Variants in CDH12 observed in about 807,000 individuals in gnomAD.
CDH12 encodes the protein cadherin-12.
Under a neutral mutation model 74.1 loss-of-function variants are expected in CDH12, and 41 were observed. That is an observed-to-expected ratio of 0.55 (90% CI 0.43 to 0.72). The LOEUF (loss-of-function observed/expected upper bound fraction) is 0.72, where lower values mean the gene tolerates loss of function less well. Among genes scored for constraint, CDH12 ranks in the 30% least tolerant of loss-of-function variants. The pLI is 0.00. For synonymous variants in CDH12, 399 were observed against 355.0 expected (o/e 1.12, Z -1.39); for missense variants, 945 against 977.2 (o/e 0.97, Z 0.44).
At chr5:22,607,810 G>T (rs899662340) in intron 1 of CDH12, among the ~76,000 whole-genome samples, 1 of 152,248 alleles carries the variant, frequency 6.6e-6, no homozygotes, top group African/African-American at 2.4e-5. Context: ...TCAGGCCATT[G>T]CTTCAGAGGG....
At chr5:21,799,959 G>C (rs1049518219) in intron 10 of CDH12, among the ~76,000 whole-genome samples, 2 of 152,186 alleles carry the variant, frequency 1.3e-5, no homozygotes, top group African/African-American at 4.8e-5. Context: ...ATCCATTCTA[G>C]TGGGCCTGAG....
At chr5:22,783,993 A>G (rs1004167123) in intron 1 of CDH12, among the ~76,000 whole-genome samples, 3 of 152,064 alleles carry the variant, frequency 2.0e-5, no homozygotes, top group African/African-American at 7.2e-5. Flanking sequence ...TGCCTCACTC[A>G]CTGGAAGAGT....
At chr5:21,788,518 A>G (rs571117073) in intron 10 of CDH12, among the ~76,000 whole-genome samples, 122 of 152,268 alleles carry the variant, frequency 8.0e-4, no homozygotes, top group Non-Finnish European at 1.4e-3. Context: ...TAATTTCTCT[A>G]TAAGTAGTCC....
chr5:22,687,457 C>T (rs1741870876), intron 1 of CDH12, among the ~76,000 whole-genome samples: 2 of 152,074 alleles, frequency 1.3e-5, no homozygotes, highest in African/African-American at 4.8e-5. Flanking sequence ...GCCCAGACTG[C>T]AATGCAGTGG....
chr5:22,552,740 T>G (rs1422199049), intron 1 of CDH12, among the ~76,000 whole-genome samples: 7 of 152,142 alleles, frequency 4.6e-5, no homozygotes, highest in Non-Finnish European at 7.4e-5. Flanking sequence ...ACTCCCATTT[T>G]TCTATTAACA....
intron 8 of CDH12, among the ~76,000 whole-genome samples, chr5:21,826,522 C>G (rs560971503): frequency 6.6e-6 from 1 of 152,240 alleles, no homozygotes; most frequent in East Asian, 1.9e-4. Flanking sequence ...CTGCAGATGC[C>G]TGCTAACTGG....
At chr5:22,071,685 A>T (rs1741950446) in intron 5 of CDH12, among the ~76,000 whole-genome samples, 1 of 152,100 alleles carries the variant, frequency 6.6e-6, no homozygotes, top group African/African-American at 2.4e-5. Flanking sequence ...TACCATCTGT[A>T]TTCCAATTAC....
rs1316994880 is a variant in CDH12, at chr5:22,003,975, T to G, written c.232-28590A>C. Among the ~76,000 whole-genome samples, 6 of 152,230 alleles carry G rather than the reference T, an allele frequency of 3.9e-5. No individual in the cohort carries two copies. The South Asian group carries it at 6.2e-4, about 16-fold the overall frequency. ...CTTCTTTTTTTGTCCCATTTCTGTC[T>G]CAGCACTTTGAAATAGTAATTTAGT... On this transcript the variant is annotated intron_variant, in intron 5 of 14. Coordinates refer to ENST00000382254, the MANE Select transcript of CDH12 (RefSeq NM_004061.5).
chr5:21,920,395 T>C (rs1180004585), intron 6 of CDH12, among the ~76,000 whole-genome samples: 1 of 152,096 alleles, frequency 6.6e-6, no homozygotes, highest in East Asian at 1.9e-4. Context: ...TGAATGACTC[T>C]GGAACATCAT....
chr5:21,917,085 T>C (rs1754131450), intron 6 of CDH12, among the ~76,000 whole-genome samples: 1 of 152,160 alleles, frequency 6.6e-6, no homozygotes, highest in Admixed American at 6.5e-5. Context: ...TCTGGTCCTC[T>C]CACCTTTAAC....
intron 2 of CDH12, among the ~76,000 whole-genome samples, chr5:22,425,423 A>T (rs985292976): frequency 1.3e-5 from 2 of 151,426 alleles, no homozygotes; most frequent in Admixed American, 1.3e-4. Context: ...AAATGCATCA[A>T]TGGGAGATCT....
chr5:22,002,368 C>A (rs1736654309), intron 5 of CDH12, among the ~76,000 whole-genome samples: 2 of 151,942 alleles, frequency 1.3e-5, no homozygotes, highest in South Asian at 4.1e-4. Context: ...TGTTACAAAT[C>A]AGGTAACTGT....
intron 4 of CDH12, among the ~76,000 whole-genome samples, chr5:22,171,113 G>A (rs114930595): frequency 0.011 from 1,729 of 151,920 alleles, 34 homozygotes; most frequent in African/African-American, 0.039. Context: ...GAACTTGCAT[G>A]GTCCACTGAA....
At chr5:22,154,891 C>T (rs1747924506) in intron 4 of CDH12, among the ~76,000 whole-genome samples, 1 of 152,006 alleles carries the variant, frequency 6.6e-6, no homozygotes, top group Admixed American at 6.6e-5. Context: ...AGGGTGCTGG[C>T]CAACTGCATC....
At chr5:21,762,874 CTT>C (rs10561731) in intron 12 of CDH12, among the ~76,000 whole-genome samples, 61,671 of 128,496 alleles carry the variant, frequency 0.48, 11,134 homozygotes, top group Non-Finnish European at 0.55. Flanking sequence ...AAAGAACTGG[CTT>C]TTTTTTTTTT....
At chr5:21,812,085 TAAA>T (rs1747776507) in intron 9 of CDH12, among the ~76,000 whole-genome samples, 1 of 152,028 alleles carries the variant, frequency 6.6e-6, no homozygotes, top group Admixed American at 6.6e-5. Context: ...ATTTTGAAGA[TAAA>T]ACAGTAATAA....
intron 1 of CDH12, among the ~76,000 whole-genome samples, chr5:22,561,227 G>T (rs190909979): frequency 6.6e-6 from 1 of 152,186 alleles, no homozygotes; most frequent in East Asian, 1.9e-4. Context: ...AATGGCATAA[G>T]ACAGTGTTAT....
chr5:22,169,940 T>C (rs1450571416), intron 4 of CDH12, among the ~76,000 whole-genome samples: 1 of 151,914 alleles, frequency 6.6e-6, no homozygotes, highest in Non-Finnish European at 1.5e-5. Context: ...TTCCATATAT[T>C]CCTATGAGGG....
chr5:21,934,804 T>G (rs371344501), intron 6 of CDH12, among the ~76,000 whole-genome samples: 4 of 152,214 alleles, frequency 2.6e-5, no homozygotes. Context: ...CCTTTTTTTT[T>G]GACACGGAGT....
Sources: gnomAD v4.1 joint callset for allele counts (sites outside exome capture counted in the v4.1 genomes callset) on GRCh38, gnomAD v4.1.1 for gene constraint, MANE v1.5 for transcripts, NCBI Gene and HGNC (gene_info 2026-07-23, HGNC 2026-07-21) for gene names.